The following SLC9A9 variants were observed in gnomAD, a reference collection of about 807,000 sequenced individuals.
The protein encoded by SLC9A9 is sodium/hydrogen exchanger 9.
A neutral mutation model predicts 77.8 loss-of-function variants in SLC9A9; 62 were observed. The observed-to-expected ratio is 0.80, with a 90% confidence interval of 0.65 to 0.98. SLC9A9 has a LOEUF of 0.98. Among genes scored for constraint, SLC9A9 ranks in the 50% least tolerant of loss-of-function variants. The pLI, the probability that SLC9A9 is intolerant of heterozygous loss-of-function variation, is 0.00. For synonymous variants in SLC9A9, 320 were observed against 283.5 expected (o/e 1.13, Z -1.29); for missense variants, 775 against 774.9 (o/e 1.00, Z 0.00).
chr3:143,548,576 A>G (rs946475614), intron 9 of SLC9A9, among the ~76,000 whole-genome samples: 11 of 152,142 alleles, frequency 7.2e-5, no homozygotes, highest in African/African-American at 2.7e-4. Flanking sequence ...ATTGCTGCAT[A>G]TGTTCATATA....
In SLC9A9 at chr3:143,475,771, G is replaced by A. The variant is rs190840494; in HGVS notation, c.1316-8581C>T. ...TGCGCCACTGCACTCCAGCCTGGGC[G>A]ACAGAGCGAGACTCCATCTCAAAAA... On this transcript the variant is annotated intron_variant, in intron 11 of 15. Transcript: ENST00000316549. Among the ~76,000 whole-genome samples, 19 of 139,500 alleles carry A rather than the reference G, an allele frequency of 1.4e-4. No homozygotes were observed. The East Asian group carries it at 2.9e-3, about 21-fold the overall frequency. 91.5% of individuals were successfully genotyped at this position (139,500 alleles called of 152,430 possible).
chr3:143,771,040 C>T, intron 4 of SLC9A9, among the ~76,000 whole-genome samples: 1 of 152,062 alleles, frequency 6.6e-6, no homozygotes, highest in Non-Finnish European at 1.5e-5. Flanking sequence ...GATGCTCAGC[C>T]TTACAGTAAG....
At chr3:143,296,108 A>C (rs1445796740) in intron 14 of SLC9A9, among the ~76,000 whole-genome samples, 2 of 152,210 alleles carry the variant, frequency 1.3e-5, no homozygotes, top group Non-Finnish European at 2.9e-5. Flanking sequence ...ACAAATCTTA[A>C]GTGCATAATA....
In SLC9A9 at chr3:143,266,379, C is replaced by T. The variant is rs1042217489; in HGVS notation, c.*323G>A. On this transcript the variant is annotated 3_prime_UTR_variant, in exon 16 of 16. Coordinates refer to ENST00000316549, the MANE Select transcript of SLC9A9 (RefSeq NM_173653.4). ...AGTGAAGGGCCTGGAGAGCCGCATT[C>T]GCAGCAGAAATGCCCTGAAGACCCA... The T allele has an allele frequency of 4.0e-5, 22 of 548,662 alleles. No homozygotes were observed. Among genetic ancestry groups the T allele is most frequent in the Admixed American group, 6.3e-5 (2 of 31,650 alleles). 34.0% of individuals were successfully genotyped at this position (548,662 alleles called of 1,614,324 possible).
intron 9 of SLC9A9, among the ~76,000 whole-genome samples, chr3:143,499,566 T>G (rs1332658266): frequency 6.6e-6 from 1 of 152,146 alleles, no homozygotes; most frequent in Admixed American, 6.5e-5. Flanking sequence ...TCATGTTGCT[T>G]TCAAATAAGG....
At chr3:143,550,778 C>G (rs2036868094) in intron 9 of SLC9A9, among the ~76,000 whole-genome samples, 1 of 152,166 alleles carries the variant, frequency 6.6e-6, no homozygotes, top group African/African-American at 2.4e-5. Context: ...TGTTACACAG[C>G]AAAAGCTAAC....
At chr3:143,714,407 G>A (rs997493158) in intron 4 of SLC9A9, among the ~76,000 whole-genome samples, 13 of 152,026 alleles carry the variant, frequency 8.6e-5, no homozygotes, top group Non-Finnish European at 1.2e-4. Context: ...TATGTGATCC[G>A]GTGTTAAACT....
intron 12 of SLC9A9, among the ~76,000 whole-genome samples, chr3:143,436,591 G>A (rs1409212075): frequency 6.6e-6 from 1 of 152,240 alleles, no homozygotes; most frequent in Non-Finnish European, 1.5e-5. Context: ...ACAGATGGAA[G>A]AAGAAACTGT....
chr3:143,578,046 G>A (rs931647005), intron 7 of SLC9A9, among the ~76,000 whole-genome samples: 3 of 152,160 alleles, frequency 2.0e-5, no homozygotes, highest in African/African-American at 4.8e-5. Context: ...TGATTGCTCA[G>A]GTATGGCACA....
At chr3:143,371,787 A>T (rs547540378) in intron 13 of SLC9A9, among the ~76,000 whole-genome samples, 1 of 152,324 alleles carries the variant, frequency 6.6e-6, no homozygotes, top group South Asian at 2.1e-4. Context: ...GTAACTGTTC[A>T]CTGAGGATAT....
At chr3:143,687,301 G>A (rs1459453142) in intron 5 of SLC9A9, among the ~76,000 whole-genome samples, 2 of 152,142 alleles carry the variant, frequency 1.3e-5, no homozygotes, top group African/African-American at 4.8e-5. Context: ...AGAAATGTCA[G>A]ACCTGCAGAG....
chr3:143,266,411 C>T lies in SLC9A9; in HGVS notation c.*291G>A. The T allele has an allele frequency of 1.8e-6, 1 of 550,738 alleles. No individual in the cohort carries two copies. Among genetic ancestry groups the T allele is most frequent in the Non-Finnish European group, 3.2e-6 (1 of 307,764 alleles). The allele number at this position is 550,738 out of a possible 1,614,324, so 34.1% of individuals were successfully genotyped here. Reference sequence around the variant, plus strand: ...GAAATGCCCTGAAGACCCAGCACAGCTGTCCCATCCTCCAGCAGCTAGACT... The same window carrying T: ...GAAATGCCCTGAAGACCCAGCACAGTTGTCCCATCCTCCAGCAGCTAGACT... On this transcript the variant is annotated 3_prime_UTR_variant, in exon 16 of 16. Transcript: ENST00000316549.
chr3:143,606,436 C>CTCTCTCTCTCTCTCTCTCTATATA (rs1419410834), intron 6 of SLC9A9, among the ~76,000 whole-genome samples: 2 of 54,214 alleles, frequency 3.7e-5, no homozygotes, highest in African/African-American at 1.5e-4. Flanking sequence ...CTCTCTCTCT[C>CTCTCTCTCTCTCTCTCTCTATATA]TATATATATA....
intron 14 of SLC9A9, among the ~76,000 whole-genome samples, chr3:143,324,858 T>C (rs1449968017): frequency 6.6e-6 from 1 of 152,148 alleles, no homozygotes; most frequent in East Asian, 1.9e-4. Context: ...CAATCTGCAC[T>C]AAAACTCTCA....
intron 12 of SLC9A9, among the ~76,000 whole-genome samples, chr3:143,407,786 A>G (rs2108517122): frequency 6.6e-6 from 1 of 152,230 alleles, no homozygotes; most frequent in East Asian, 1.9e-4. Context: ...TAACTAAAGC[A>G]ATGTGCTTCT....
At chr3:143,328,151 A>G (rs926979807) in intron 14 of SLC9A9, among the ~76,000 whole-genome samples, 2 of 152,214 alleles carry the variant, frequency 1.3e-5, no homozygotes, top group African/African-American at 4.8e-5. Context: ...AAATTTGTCA[A>G]AACCCACGGA....
At chr3:143,677,151 A>T (rs1476008939) in intron 5 of SLC9A9, among the ~76,000 whole-genome samples, 1 of 152,136 alleles carries the variant, frequency 6.6e-6, no homozygotes, top group Non-Finnish European at 1.5e-5. Context: ...GTCCCACACA[A>T]TATTTTAAGG....
At chr3:143,357,543 C>T (rs751504419) in intron 14 of SLC9A9, among the ~76,000 whole-genome samples, 1 of 152,130 alleles carries the variant, frequency 6.6e-6, no homozygotes, top group Non-Finnish European at 1.5e-5. Context: ...CAGACTAAAA[C>T]AACCAATTAT....
intron 9 of SLC9A9, among the ~76,000 whole-genome samples, chr3:143,506,228 CTTT>C (rs1207718077): frequency 2.6e-5 from 4 of 152,172 alleles, no homozygotes; most frequent in African/African-American, 7.2e-5. Context: ...AGTAGAATTA[CTTT>C]GTAATGTATA....
Sources: allele counts gnomAD v4.1 joint callset (sites outside exome capture counted in the v4.1 genomes callset), GRCh38; gene constraint gnomAD v4.1.1; transcripts MANE v1.5; gene names NCBI Gene and HGNC (gene_info 2026-07-23, HGNC 2026-07-21).